TIAM2: variants seen among roughly 807,000 people sequenced by gnomAD.
TIAM2 encodes rho guanine nucleotide exchange factor TIAM2.
Under a neutral mutation model 152.9 loss-of-function variants are expected in TIAM2, and 80 were observed. The observed-to-expected ratio is 0.52, with a 90% CI of 0.44 to 0.63. The LOEUF (loss-of-function observed/expected upper bound fraction) is 0.63. Ranked by LOEUF, TIAM2 falls within the 30% of genes least tolerant of loss-of-function variation. The pLI is 0.00. For synonymous variants in TIAM2, 804 were observed against 838.0 expected (o/e 0.96, Z 0.70); for missense variants, 1,965 against 2,120.1 (o/e 0.93, Z 1.44).
chr6:155,102,180 G>T (rs542383922), intron 2 of TIAM2, among the ~76,000 whole-genome samples: 1 of 149,504 alleles, frequency 6.7e-6, no homozygotes, highest in African/African-American at 2.5e-5. Flanking sequence ...GGCAGAAATG[G>T]GGTATCACTG....
intron 7 of TIAM2, among the ~76,000 whole-genome samples, chr6:155,155,467 G>A (rs1475611326): frequency 1.3e-5 from 2 of 151,940 alleles, no homozygotes; most frequent in Non-Finnish European, 2.9e-5. Context: ...TGCCCAGCTG[G>A]AAGTGTTTTT....
At chr6:155,228,739 C>G (rs193086616) in intron 15 of TIAM2, among the ~76,000 whole-genome samples, 1 of 152,176 alleles carries the variant, frequency 6.6e-6, no homozygotes, top group East Asian at 1.9e-4. Context: ...TCCGACCAAA[C>G]TCCTGTTAAA....
chr6:155,228,738 A>G (rs1316973827), intron 15 of TIAM2, among the ~76,000 whole-genome samples: 1 of 151,440 alleles, frequency 6.6e-6, no homozygotes, highest in East Asian at 2.0e-4. Flanking sequence ...TTCCGACCAA[A>G]CTCCTGTTAA....
At chr6:155,120,558 GA>G (rs1384977716) in intron 2 of TIAM2, among the ~76,000 whole-genome samples, 10 of 152,166 alleles carry the variant, frequency 6.6e-5, no homozygotes, top group Non-Finnish European at 1.5e-5. Context: ...AGTATTTACA[GA>G]GTTTATTAGT....
rs1406012424 is a variant in TIAM2 at position 155,240,531 on chromosome 6, G to A, written c.3170G>A (p.Ser1057Asn). 1 of 1,609,996 alleles carries A rather than the reference G, an allele frequency of 6.2e-7. No homozygotes were observed. Among genetic ancestry groups the A allele is most frequent in the South Asian group, 1.1e-5 (1 of 90,984 alleles). ...TTTCCACCTCTTGTCCTCTCTCAGA[G>A]TGCTGAGCAGATCACTGCACTGTGC... is the stretch of plus-strand genomic sequence containing the variant. ...HREKMEQTFR[S>N]AEQITALCRS... Residue 1057 changes from serine to asparagine, a missense_variant and splice_region_variant, in exon 16 of 27, where the codon AGT becomes AAT. By Grantham distance (46) the Ser-to-Asn change is conservative. Coordinates refer to ENST00000682666, the MANE Select transcript of TIAM2 (RefSeq NM_012454.4).
intron 1 of TIAM2, among the ~76,000 whole-genome samples, chr6:155,054,499 A>G (rs1777395620): frequency 6.6e-6 from 1 of 152,170 alleles, no homozygotes; most frequent in Non-Finnish European, 1.5e-5. Context: ...GGAATTGGGA[A>G]ATTATTTGGT....
chr6:155,072,036 C>T (rs1015962986), intron 1 of TIAM2, among the ~76,000 whole-genome samples: 5 of 152,046 alleles, frequency 3.3e-5, no homozygotes, highest in Non-Finnish European at 5.9e-5. Context: ...CAGAGGAGAG[C>T]GTGTCAGCTA....
At chr6:155,223,638 C>T (rs1189483961) in intron 15 of TIAM2, among the ~76,000 whole-genome samples, 1 of 147,026 alleles carries the variant, frequency 6.8e-6, no homozygotes, top group Non-Finnish European at 1.5e-5. Context: ...GTTTTATTTT[C>T]TATCATTAGT....
chr6:155,200,554 C>T (rs9397232), intron 14 of TIAM2, among the ~76,000 whole-genome samples: 32,326 of 152,072 alleles, frequency 0.21, 3,892 homozygotes, highest in East Asian at 0.49. Context: ...CCATCACTAC[C>T]GTCTAATTCC....
At chr6:155,031,026 C>G (rs1402845684) in intron 1 of TIAM2, among the ~76,000 whole-genome samples, 1 of 152,170 alleles carries the variant, frequency 6.6e-6, no homozygotes, top group Non-Finnish European at 1.5e-5. Context: ...TCCCTGACTG[C>G]TGTTCTCTTT....
At position 155,181,319 on chromosome 6, in the gene TIAM2, A is replaced by G. The variant is rs556092105; in HGVS notation, c.2708-907A>G. On this transcript the variant is annotated intron_variant, in intron 12 of 26. Transcript: ENST00000682666. The stretch of plus-strand genomic sequence containing the variant: ...CTTATGTATTTAGGGCAAGCACCGT[A>G]TTCATCCAAGCATTTTTTCACCTTC... 2.0e-5 allele frequency among the ~76,000 whole-genome samples: 3 copies of G among 151,968 alleles called. No individual in the cohort carries two copies. The East Asian group carries it at 5.8e-4, about 29-fold the overall frequency.
At chr6:155,117,946 A>G (rs1279263113) in intron 2 of TIAM2, among the ~76,000 whole-genome samples, 1 of 152,080 alleles carries the variant, frequency 6.6e-6, no homozygotes, top group Non-Finnish European at 1.5e-5. Context: ...TTAAAATTTC[A>G]CTTCATTTCC....
chr6:155,066,749 A>G (rs1400774053), intron 1 of TIAM2, among the ~76,000 whole-genome samples: 1 of 151,290 alleles, frequency 6.6e-6, no homozygotes, highest in Non-Finnish European at 1.5e-5. Flanking sequence ...GTTGATTACA[A>G]GTTTGTTTGT....
At chr6:155,026,230 C>T (rs923735862) in intron 1 of TIAM2, among the ~76,000 whole-genome samples, 28 of 152,120 alleles carry the variant, frequency 1.8e-4, no homozygotes, top group Admixed American at 1.8e-3. Flanking sequence ...AGCTGTCACA[C>T]CATAAAATGT....
chr6:155,167,986 T>A (rs1371997620), intron 9 of TIAM2, among the ~76,000 whole-genome samples: 2 of 152,248 alleles, frequency 1.3e-5, no homozygotes, highest in Non-Finnish European at 2.9e-5. Context: ...TAATTTGTTC[T>A]CAACATAGAC....
At chr6:155,098,053 A>G (rs559653322) in intron 2 of TIAM2, among the ~76,000 whole-genome samples, 3 of 152,240 alleles carry the variant, frequency 2.0e-5, no homozygotes, top group South Asian at 2.1e-4. Context: ...AGCCAGTACC[A>G]TGCTCATTTG....
rs2115354369 is a variant in TIAM2, at chr6:155,251,930, TTTTCC to T, written c.4061-10_4061-6del. ...GCATAAAATAAAGACTTTCTTTCTC[TTTTCC>T]TTTCTTTAGTTTTTAAGAGAGCCGT... On this transcript the variant is annotated splice_polypyrimidine_tract_variant and intron_variant, in intron 22 of 26. Transcript: ENST00000682666. 1 of 1,590,904 alleles carries T rather than the reference TTTTCC, an allele frequency of 6.3e-7. No homozygotes were observed. Among genetic ancestry groups the T allele is most frequent in the Non-Finnish European group, 8.6e-7 (1 of 1,165,128 alleles).
chr6:155,203,108 A>G (rs573680659), intron 14 of TIAM2, among the ~76,000 whole-genome samples: 15 of 150,730 alleles, frequency 1.0e-4, no homozygotes, highest in African/African-American at 3.4e-4. Flanking sequence ...CAAATGTTCA[A>G]TGTGCTGTTT....
intron 6 of TIAM2, among the ~76,000 whole-genome samples, chr6:155,146,590 G>A (rs1583213873): frequency 6.6e-6 from 1 of 151,404 alleles, no homozygotes; most frequent in East Asian, 1.9e-4. Flanking sequence ...TTTAAAAAAT[G>A]TATCATTATT....
Sources: allele counts gnomAD v4.1 joint callset (sites outside exome capture counted in the v4.1 genomes callset), GRCh38; gene constraint gnomAD v4.1.1; transcripts MANE v1.5; gene names NCBI Gene and HGNC (gene_info 2026-07-23, HGNC 2026-07-21).